The following OR2L13 variants were observed in gnomAD, a reference collection of about 807,000 sequenced individuals.
OR2L13 encodes olfactory receptor family 2 subfamily L member 13.
OR2L13 carries 14 observed loss-of-function variants against 15.3 expected under a neutral mutation model. That is an observed-to-expected ratio of 0.91 (90% CI 0.60 to 1.43). OR2L13 has a LOEUF of 1.43. Among genes scored for constraint, OR2L13 ranks in the 40% most tolerant of loss-of-function variants. OR2L13 has a pLI of 0.00. For synonymous variants in OR2L13, 152 were observed against 142.9 expected, an observed-to-expected ratio of 1.06 and a Z score of -0.45; for missense variants, 367 against 387.9, an observed-to-expected ratio of 0.95 and a Z score of 0.45.
the OR2L13 span, among the ~76,000 whole-genome samples, chr1:248,079,169 T>C: frequency 5.3e-5 from 8 of 152,314 alleles, no homozygotes; most frequent in African/African-American, 1.9e-4. Context: ...AATAGTATTC[T>C]ACCAAAATGA....
the OR2L13 span, among the ~76,000 whole-genome samples, chr1:248,014,887 C>G: frequency 6.6e-6 from 1 of 152,086 alleles, no homozygotes; most frequent in African/African-American, 2.4e-5. Flanking sequence ...GGTATTAAAC[C>G]GAGTCTCTTT....
At chr1:248,082,955 TC>T in the OR2L13 span, among the ~76,000 whole-genome samples, 1 of 152,198 alleles carries the variant, frequency 6.6e-6, no homozygotes, top group East Asian at 1.9e-4. Context: ...AAAGCAATTT[TC>T]CAATGTGATT....
At chr1:248,022,063 T>C in the OR2L13 span, 10 of 1,613,858 alleles carry the variant, frequency 6.2e-6, no homozygotes, top group Admixed American at 3.3e-5. Context: ...ATGGCTCTAA[T>C]TGGAAACCTA....
chr1:247,958,132 G>T, the OR2L13 span, among the ~76,000 whole-genome samples: 2 of 151,978 alleles, frequency 1.3e-5, no homozygotes, highest in Non-Finnish European at 2.9e-5. Context: ...AGAGATTCTG[G>T]TATGTTGTGT....
the OR2L13 span, chr1:247,966,439 C>A: frequency 8.6e-7 from 1 of 1,161,438 alleles, no homozygotes; most frequent in South Asian, 1.6e-5. Flanking sequence ...GTTTATCAAT[C>A]TTGTTTAACT....
chr1:248,013,087 A>G, the OR2L13 span, among the ~76,000 whole-genome samples: 1 of 151,916 alleles, frequency 6.6e-6, no homozygotes, highest in Middle Eastern at 3.3e-3. Flanking sequence ...AACAATATAA[A>G]TATATATTTA....
At chr1:247,990,802 G>A in the OR2L13 span, 5 of 1,603,042 alleles carry the variant, frequency 3.1e-6, no homozygotes, top group Non-Finnish European at 4.3e-6. Flanking sequence ...TTTTTTCTGT[G>A]ATGTTCCAGC....
the OR2L13 span, among the ~76,000 whole-genome samples, chr1:247,992,315 T>A: frequency 0.06 from 9,137 of 152,364 alleles, 368 homozygotes; most frequent in Middle Eastern, 0.11. Context: ...TGTTATTTTT[T>A]AAGGCTTCCT....
At chr1:247,993,762 G>GAGAGAGAGA in the OR2L13 span, among the ~76,000 whole-genome samples, 1,064 of 53,520 alleles carry the variant, frequency 0.02, 183 homozygotes, top group Middle Eastern at 0.039. Context: ...AGAGAGAGGG[G>GAGAGAGAGA]GAGAGAGAGA....
the OR2L13 span, among the ~76,000 whole-genome samples, chr1:248,057,755 A>G: frequency 6.6e-6 from 1 of 151,980 alleles, no homozygotes; most frequent in African/African-American, 2.4e-5. Flanking sequence ...TCTTTTTGTT[A>G]CTATTGGAAA....
chr1:248,040,409 GTCC>G, the OR2L13 span: 1 of 152,150 alleles, frequency 6.6e-6, no homozygotes, highest in Admixed American at 6.5e-5. Flanking sequence ...TGACTGAATG[GTCC>G]TTGAGCAACA....
chr1:247,984,011 A>G, the OR2L13 span, among the ~76,000 whole-genome samples: 1 of 152,096 alleles, frequency 6.6e-6, no homozygotes, highest in Non-Finnish European at 1.5e-5. Flanking sequence ...GGCTGGCACC[A>G]TCGCAGGCAG....
chr1:247,994,313 C>T, the OR2L13 span, among the ~76,000 whole-genome samples: 5,149 of 152,150 alleles, frequency 0.034, 245 homozygotes, highest in African/African-American at 0.12. Flanking sequence ...AGGAGAATGG[C>T]GTGAACCCGG....
At chr1:247,973,301 T>G in the OR2L13 span, among the ~76,000 whole-genome samples, 4 of 152,152 alleles carry the variant, frequency 2.6e-5, no homozygotes, top group African/African-American at 4.8e-5. Flanking sequence ...GAGAAAGAAA[T>G]AAAGGATATT....
the OR2L13 span, among the ~76,000 whole-genome samples, chr1:248,033,305 A>G: frequency 2.6e-5 from 4 of 152,184 alleles, no homozygotes; most frequent in African/African-American, 7.2e-5. Flanking sequence ...GTAGATATCT[A>G]GTTTTTCAAA....
the OR2L13 span, among the ~76,000 whole-genome samples, chr1:247,985,173 A>G: frequency 2.0e-5 from 3 of 152,052 alleles, no homozygotes; most frequent in Non-Finnish European, 4.4e-5. Context: ...ACATATGTAT[A>G]CATGTGCCAT....
At chr1:247,995,295 A>G in the OR2L13 span, among the ~76,000 whole-genome samples, 1 of 152,168 alleles carries the variant, frequency 6.6e-6, no homozygotes, top group African/African-American at 2.4e-5. Flanking sequence ...TAATAATAAC[A>G]TGTGTCATCA....
chr1:248,050,137 C>T, the OR2L13 span, among the ~76,000 whole-genome samples: 1,032 of 152,128 alleles, frequency 6.8e-3, 6 homozygotes, highest in African/African-American at 9.5e-3. Context: ...TCACATGAGA[C>T]GTAGTTCAGG....
the OR2L13 span, among the ~76,000 whole-genome samples, chr1:248,014,713 CTCT>C: frequency 6.6e-6 from 1 of 152,074 alleles, no homozygotes; most frequent in African/African-American, 2.4e-5. Context: ...CTTGTAGATT[CTCT>C]TCAATGATAC....
Sources: allele counts gnomAD v4.1 joint callset (sites outside exome capture counted in the v4.1 genomes callset), GRCh38; gene constraint gnomAD v4.1.1; transcripts MANE v1.5; gene names NCBI Gene and HGNC (gene_info 2026-07-23, HGNC 2026-07-21).